MICALL1: variants seen among roughly 807,000 people sequenced by gnomAD.
The protein encoded by MICALL1 is MICAL-like protein 1.
Under a neutral mutation model 83.7 loss-of-function variants are expected in MICALL1, and 61 were observed. The observed-to-expected ratio is 0.73, with a 90% CI of 0.59 to 0.90. MICALL1 has a LOEUF of 0.90. Among genes scored for constraint, MICALL1 ranks in the 40% least tolerant of loss-of-function variants. The pLI, the probability that MICALL1 is intolerant of heterozygous loss-of-function variation, is 0.00. For synonymous variants in MICALL1, 481 were observed against 473.6 expected, an observed-to-expected ratio of 1.02 and a Z score of -0.20; for missense variants, 1,066 against 1,152.0, an observed-to-expected ratio of 0.93 and a Z score of 1.08.
intron 8 of MICALL1, chr22:37,926,977 T>C (rs1929484020): frequency 5.1e-6 from 1 of 197,624 alleles, no homozygotes; most frequent in Admixed American, 5.3e-5. Context: ...GGAAGCATCA[T>C]ATCCATCAGC....
chr22:37,929,070 C>T (rs1929648649), intron 9 of MICALL1, among the ~76,000 whole-genome samples: 1 of 151,992 alleles, frequency 6.6e-6, no homozygotes, highest in Non-Finnish European at 1.5e-5. Context: ...TTGTAGTGAG[C>T]TGAGATGGCC....
At chr22:37,909,804 G>T (rs1928202045) in intron 1 of MICALL1, among the ~76,000 whole-genome samples, 1 of 152,234 alleles carries the variant, frequency 6.6e-6, no homozygotes, top group Admixed American at 6.5e-5. Flanking sequence ...TGAGGCCCAG[G>T]TCCCACATAA....
intron 5 of MICALL1, 39 bp downstream of exon 5, chr22:37,919,217 G>A: frequency 6.7e-7 from 1 of 1,481,540 alleles, no homozygotes; most frequent in Non-Finnish European, 9.0e-7. Flanking sequence ...CGAAACCAGG[G>A]AGGGGGCTAC....
chr22:37,907,405 C>T (rs1351822302), intron 1 of MICALL1: 1 of 152,358 alleles, frequency 6.6e-6, no homozygotes, highest in East Asian at 1.9e-4. Context: ...TGACTTGGAG[C>T]CTCTGTCTTT....
intron 8 of MICALL1, chr22:37,926,991 G>A (rs1489039562): frequency 1.4e-5 from 3 of 215,870 alleles, no homozygotes; most frequent in East Asian, 9.9e-5. Context: ...CATCAGCCAC[G>A]AGGAGATAAA....
At chr22:37,921,843 A>T in intron 5 of MICALL1, 129 bp from the exon 6 acceptor site, 1 of 774,436 alleles carries the variant, frequency 1.3e-6, no homozygotes, top group Non-Finnish European at 2.0e-6. Context: ...AGTCTAGGGT[A>T]TGGAGTCGAG....
chr22:37,941,682 C>T lies in MICALL1; in HGVS notation c.*852C>T, dbSNP rs968523155. 1 of 152,404 alleles carries T rather than the reference C, an allele frequency of 6.6e-6. No individual in the cohort carries two copies. Among genetic ancestry groups the T allele is most frequent in the Non-Finnish European group, 1.5e-5 (1 of 68,234 alleles). The allele number at this position is 152,404 out of a possible 1,614,324, so 9.4% of individuals were successfully genotyped here. The stretch of plus-strand genomic sequence containing the variant: ...ACCCCTCACTTAGGCTTTCCTCTGC[C>T]ACCCCGGTCCAGGGAAGAGGCTCGC... On this transcript the variant is annotated 3_prime_UTR_variant, in exon 16 of 16. Coordinates refer to ENST00000215957, the MANE Select transcript of MICALL1 (RefSeq NM_033386.4).
chr22:37,922,112 C>T lies in MICALL1; in HGVS notation c.710C>T (p.Pro237Leu). The part of the protein sequence containing the change: ...SGTRPGPFSQ[P>L]KQQHQQQLAE... ...ACCAGGCCTGGGCCCTTCTCACAGC[C>T]AAAGCAGCAGCACCAGCAGCAACTC... Residue 237 changes from proline to leucine, a missense_variant, in exon 6 of 16, where the codon CCA (proline) becomes CTA (leucine). Physicochemically the swap from Pro to Leu is moderately conservative, Grantham distance 98 (BLOSUM62 -3). Transcript: ENST00000215957. 1 of 1,613,270 alleles carries T rather than the reference C, an allele frequency of 6.2e-7. No individual in the cohort carries two copies. The highest frequency in any genetic ancestry group is 2.2e-5 in the East Asian group (1 of 44,872).
At chr22:37,936,963 C>T in intron 13 of MICALL1, 117 bp from the exon 14 acceptor site, 1 of 749,696 alleles carries the variant, frequency 1.3e-6, no homozygotes, top group Middle Eastern at 2.8e-4. Context: ...CGCTTAGTTT[C>T]TTGCATGGTA....
At chr22:37,912,120 C>G in intron 2 of MICALL1, 120 bp downstream of exon 2, 1 of 1,263,926 alleles carries the variant, frequency 7.9e-7, no homozygotes. Flanking sequence ...CCGGCCCTGG[C>G]TGCACCTTTC....
At chr22:37,915,441 C>T (rs1029631612) in intron 3 of MICALL1, among the ~76,000 whole-genome samples, 6 of 152,028 alleles carry the variant, frequency 3.9e-5, no homozygotes, top group African/African-American at 1.4e-4. Flanking sequence ...GAGAGGCAGT[C>T]TAAGGTTGGG....
rs549252283 is a variant in MICALL1 at position 37,917,818 on chromosome 22, G to A, written c.426+23G>A. ...CAGGTAGGCAGATACCTGGAGAGGTGGGAGGGCCAGGGGTGGAGGGGGCGA... is the reference window on the plus strand; with the variant it reads ...CAGGTAGGCAGATACCTGGAGAGGTAGGAGGGCCAGGGGTGGAGGGGGCGA... On this transcript the variant is annotated intron_variant, in intron 4 of 15. Transcript: ENST00000215957. 6 of 1,606,878 alleles carry A rather than the reference G, an allele frequency of 3.7e-6. No individual in the cohort carries two copies. In the South Asian group the frequency reaches 5.5e-5, roughly 15 times the overall value.
At chr22:37,926,893 C>T (rs1017927730) in intron 8 of MICALL1, 1 of 157,516 alleles carries the variant, frequency 6.3e-6, no homozygotes, top group African/African-American at 2.4e-5. Context: ...GATTCAGTCC[C>T]ACCCCGTGCT....
chr22:37,933,053 A>G lies in MICALL1; in HGVS notation c.2249A>G (p.Asn750Ser). 6.2e-7 allele frequency: 1 copy of G among 1,613,884 alleles called. No individual in the cohort carries two copies. The highest frequency in any genetic ancestry group is 8.5e-7 in the Non-Finnish European group (1 of 1,179,964). ...SELIYVFKQQ[N>S]LEQRQADVEY... ...CCCACCCCTAGCTTCAAGCAGCAGA[A>G]CCTGGAGCAGCGCCAGGCTGATGTC... The change falls in exon 13 of 16, where the codon AAC becomes AGC. Residue 750 changes from asparagine to serine, a missense_variant. Physicochemically the swap from Asn to Ser is conservative, Grantham distance 46. Coordinates refer to ENST00000215957, the MANE Select transcript of MICALL1 (RefSeq NM_033386.4).
chr22:37,927,010 C>T (rs1311704669), intron 8 of MICALL1: 5 of 244,288 alleles, frequency 2.0e-5, no homozygotes, highest in Admixed American at 9.9e-5. Context: ...AATTGGTGCC[C>T]GGCAGTGCCT....
chr22:37,937,650 C>T (rs540232918), intron 14 of MICALL1, 96 bp from the exon 15 acceptor site: 12 of 1,302,484 alleles, frequency 9.2e-6, no homozygotes, highest in East Asian at 7.3e-5. Flanking sequence ...TCTCGAACTC[C>T]TGACTTCAGG....
At chr22:37,920,969 T>A (rs1205437519) in intron 5 of MICALL1, among the ~76,000 whole-genome samples, 1 of 151,170 alleles carries the variant, frequency 6.6e-6, no homozygotes, top group Non-Finnish European at 1.5e-5. Flanking sequence ...GCACCTGTAG[T>A]CTTAGGCATT....
intron 14 of MICALL1, 133 bp from the exon 15 acceptor site, chr22:37,937,613 G>T: frequency 2.5e-6 from 2 of 798,724 alleles, no homozygotes; most frequent in East Asian, 2.9e-5. Context: ...TAGTAGAGAT[G>T]GGGTTTCACC....
chr22:37,940,084 CAAAAAAAAGA>C (rs1179155794), intron 15 of MICALL1, among the ~76,000 whole-genome samples: 1 of 149,914 alleles, frequency 6.7e-6, no homozygotes, highest in Non-Finnish European at 1.5e-5. Flanking sequence ...GACTCTGTCT[CAAAAAAAAGA>C]AAAAGAAAAA....
Sources: allele counts gnomAD v4.1 joint callset (sites outside exome capture counted in the v4.1 genomes callset), GRCh38; gene constraint gnomAD v4.1.1; transcripts MANE v1.5; gene names NCBI Gene and HGNC (gene_info 2026-07-23, HGNC 2026-07-21).